Variants in SLC24A2 observed in about 807,000 individuals in gnomAD.
SLC24A2 encodes the protein solute carrier family 24 member 2.
SLC24A2 carries 36 observed loss-of-function variants against 62.0 expected under a neutral mutation model. That is an observed-to-expected ratio of 0.58 (90% CI 0.44 to 0.77). The LOEUF is 0.77. Ranked by LOEUF, SLC24A2 falls within the 30% of genes least tolerant of loss-of-function variation. The pLI is 0.00. For missense variants in SLC24A2, 846 were observed against 817.9 expected (o/e 1.03, Z -0.42); for synonymous variants, 358 against 294.0 (o/e 1.22, Z -2.23).
the SLC24A2 span, among the ~76,000 whole-genome samples, chr9:19,851,227 G>T: frequency 3.3e-3 from 501 of 149,930 alleles, 2 homozygotes; most frequent in African/African-American, 0.012. Context: ...GTTTCACGAT[G>T]TCGGCTAAGC....
chr9:19,619,157 C>T (rs1817844582), intron 4 of SLC24A2, among the ~76,000 whole-genome samples: 1 of 152,200 alleles, frequency 6.6e-6, no homozygotes. Flanking sequence ...CTCCCCAAAC[C>T]ACTCATGGAC....
At chr9:19,902,661 C>T in the SLC24A2 span, among the ~76,000 whole-genome samples, 2 of 152,080 alleles carry the variant, frequency 1.3e-5, no homozygotes, top group Non-Finnish European at 2.9e-5. Flanking sequence ...GCCTAAGTCT[C>T]TGGAATTTTC....
chr9:19,771,778 T>C (rs1822697609), intron 2 of SLC24A2, among the ~76,000 whole-genome samples: 1 of 152,246 alleles, frequency 6.6e-6, no homozygotes, highest in Non-Finnish European at 1.5e-5. Flanking sequence ...TTACTGTCCA[T>C]GCTAGACAAG....
chr9:20,150,430 T>A, the SLC24A2 span, among the ~76,000 whole-genome samples: 3 of 152,032 alleles, frequency 2.0e-5, no homozygotes, highest in African/African-American at 7.2e-5. Flanking sequence ...TAATTTGTAA[T>A]GCTACTATTC....
the SLC24A2 span, among the ~76,000 whole-genome samples, chr9:20,284,895 C>A: frequency 6.6e-6 from 1 of 152,116 alleles, no homozygotes; most frequent in Non-Finnish European, 1.5e-5. Flanking sequence ...TCTGTAAATG[C>A]CTTACAGGGA....
chr9:20,091,945 C>T, the SLC24A2 span, among the ~76,000 whole-genome samples: 1 of 152,162 alleles, frequency 6.6e-6, no homozygotes, highest in Non-Finnish European at 1.5e-5. Flanking sequence ...TTTGCAGGAA[C>T]ATGGATGGAG....
intron 7 of SLC24A2, among the ~76,000 whole-genome samples, chr9:19,566,501 T>C (rs1156796865): frequency 1.3e-5 from 2 of 151,450 alleles, no homozygotes; most frequent in Admixed American, 1.3e-4. Flanking sequence ...GGAACACTTT[T>C]ACACTGTTGG....
chr9:20,282,502 C>G, the SLC24A2 span, among the ~76,000 whole-genome samples: 147,837 of 152,268 alleles, frequency 0.97, 71,775 homozygotes, highest in East Asian at 1. Context: ...AATCTGAAAT[C>G]CAAGAGATTA....
chr9:19,571,017 T>C (rs748529971), intron 7 of SLC24A2, among the ~76,000 whole-genome samples: 10 of 152,148 alleles, frequency 6.6e-5, no homozygotes, highest in South Asian at 2.1e-4. Flanking sequence ...CTGGGACTCT[T>C]TTGCTCCCCT....
At chr9:20,240,141 C>T in the SLC24A2 span, among the ~76,000 whole-genome samples, 4 of 152,142 alleles carry the variant, frequency 2.6e-5, no homozygotes, top group Admixed American at 2.0e-4. Context: ...GTAGGTGAGG[C>T]ACTGTCCTTT....
intron 2 of SLC24A2, among the ~76,000 whole-genome samples, chr9:19,784,337 G>T (rs1020972163): frequency 5.3e-5 from 8 of 152,168 alleles, no homozygotes; most frequent in African/African-American, 1.9e-4. Context: ...TTGCTCTGCA[G>T]ATTCATTTTT....
At chr9:19,850,944 T>C in the SLC24A2 span, among the ~76,000 whole-genome samples, 78 of 56,320 alleles carry the variant, frequency 1.4e-3, 1 homozygote, top group African/African-American at 5.2e-3. Context: ...TATATATATA[T>C]ACATATATAT....
chr9:20,123,551 TATATG>T, the SLC24A2 span, among the ~76,000 whole-genome samples: 1 of 152,228 alleles, frequency 6.6e-6, no homozygotes, highest in Non-Finnish European at 1.5e-5. Flanking sequence ...TATTTGTACT[TATATG>T]AATGAGACTT....
intron 8 of SLC24A2, among the ~76,000 whole-genome samples, chr9:19,531,453 G>C (rs1268968460): frequency 6.6e-6 from 1 of 152,164 alleles, no homozygotes; most frequent in Non-Finnish European, 1.5e-5. Flanking sequence ...TAGCAAATAA[G>C]CAAATTGCAT....
upstream of SLC24A2, among the ~76,000 whole-genome samples, chr9:19,794,015 G>A (rs1823349308): frequency 6.6e-6 from 1 of 152,100 alleles, no homozygotes; most frequent in Non-Finnish European, 1.5e-5. Context: ...TTTGTCTGGT[G>A]GCTTTCCTTT....
the SLC24A2 span, among the ~76,000 whole-genome samples, chr9:20,174,800 T>C: frequency 5.3e-5 from 8 of 152,020 alleles, no homozygotes; most frequent in African/African-American, 1.9e-4. Flanking sequence ...GGCAATTCCT[T>C]AAAGAACTAA....
At chr9:19,851,026 T>A in the SLC24A2 span, among the ~76,000 whole-genome samples, 2 of 68,590 alleles carry the variant, frequency 2.9e-5, no homozygotes, top group African/African-American at 1.3e-4. Context: ...TATATATACA[T>A]ATTTTTTTTT....
chr9:19,917,442 G>T, the SLC24A2 span, among the ~76,000 whole-genome samples: 2 of 150,356 alleles, frequency 1.3e-5, no homozygotes, highest in African/African-American at 4.9e-5. Flanking sequence ...ATCTCACTGA[G>T]ATTTGGATTG....
At chr9:19,766,543 T>G (rs1387184092) in intron 2 of SLC24A2, among the ~76,000 whole-genome samples, 2 of 152,342 alleles carry the variant, frequency 1.3e-5, no homozygotes, top group East Asian at 3.9e-4. Context: ...GTTTTCCTCC[T>G]AACAGACAGG....
Sources: allele counts gnomAD v4.1 joint callset (sites outside exome capture counted in the v4.1 genomes callset), GRCh38; gene constraint gnomAD v4.1.1; transcripts MANE v1.5; gene names NCBI Gene and HGNC (gene_info 2026-07-23, HGNC 2026-07-21).